The following CMC2 variants were observed in gnomAD, a reference collection of about 807,000 sequenced individuals.
CMC2 encodes the protein COX assembly mitochondrial protein 2 homolog.
A neutral mutation model predicts 7.5 loss-of-function variants in CMC2; 5 were observed. The ratio of observed to expected loss-of-function variants is 0.66; its 90% confidence interval spans 0.35 to 1.40. CMC2 has a LOEUF of 1.40. Ranked by LOEUF, CMC2 falls within the 40% of genes most tolerant of loss-of-function variation. The probability of loss-of-function intolerance (pLI) is 0.04; values close to 1 mark genes in which losing one functional copy is unlikely to be tolerated. For missense variants in CMC2, 115 were observed against 92.3 expected, an observed-to-expected ratio of 1.25 and a Z score of -1.01; for synonymous variants, 37 against 31.4, an observed-to-expected ratio of 1.18 and a Z score of -0.60.
chr16:80,985,960 G>A (rs1291744507), intron 2 of CMC2, among the ~76,000 whole-genome samples: 1 of 149,202 alleles, frequency 6.7e-6, no homozygotes, highest in East Asian at 2.0e-4. Flanking sequence ...GAGTGGTGAA[G>A]ACTAACAGCT....
In CMC2 at chr16:80,981,849, CA is replaced by C. The variant is rs1300011264; in HGVS notation, c.109del (p.Cys37ValfsTer8). The C allele has an allele frequency of 1.2e-6, 2 of 1,610,132 alleles. No homozygotes were observed. Among genetic ancestry groups the C allele is most frequent in the Admixed American group, 3.4e-5 (2 of 59,540 alleles). ...TCTCAACTCCCGATCAACATCATTA[CA>C]ATAACCAAAAAATTTCAGAATGTTG... ...NHNILKFFGY[C>X]NDVDRELRKC... On this transcript the variant is annotated frameshift_variant, in exon 3 of 4. Transcript: ENST00000219400. LOFTEE classifies it high-confidence loss of function.
At position 81,006,873 on chromosome 16, in the gene CMC2, G is replaced by C. The variant is rs935028316; in HGVS notation, c.-175C>G. 3.0e-6 allele frequency: 3 copies of C among 986,022 alleles called. No individual in the cohort carries two copies. The highest frequency in any genetic ancestry group is 3.5e-5 in the African/African-American group (2 of 57,258). 61.1% of individuals were successfully genotyped at this position (986,022 alleles called of 1,614,324 possible). A position where few individuals can be genotyped will look rare whatever the true frequency, so the allele number is the denominator to read the frequency against. On this transcript the variant is annotated 5_prime_UTR_variant, in exon 1 of 4. Transcript: ENST00000219400. Reference sequence around the variant, plus strand: ...CAGTGACGCCCTCCACCGCTCCACCGTGCTCCCGGCTCCTCGCCCCCGCCG... The same window carrying C: ...CAGTGACGCCCTCCACCGCTCCACCCTGCTCCCGGCTCCTCGCCCCCGCCG...
intron 1 of CMC2, among the ~76,000 whole-genome samples, chr16:81,003,159 A>G (rs1968993137): frequency 6.6e-6 from 1 of 152,224 alleles, no homozygotes; most frequent in East Asian, 1.9e-4. Flanking sequence ...GTAAGGTACA[A>G]CTGTAAAAAT....
chr16:80,986,837 G>A (rs1235319363), intron 2 of CMC2, among the ~76,000 whole-genome samples: 1 of 152,248 alleles, frequency 6.6e-6, no homozygotes, highest in African/African-American at 2.4e-5. Flanking sequence ...CCACTATCTA[G>A]CTGAGATAAA....
intron 2 of CMC2, among the ~76,000 whole-genome samples, chr16:80,993,649 A>T (rs1370161102): frequency 1.3e-5 from 2 of 152,170 alleles, no homozygotes; most frequent in Non-Finnish European, 2.9e-5. Context: ...TTGAATATGC[A>T]AGTCAATCAG....
intron 1 of CMC2, chr16:80,997,790 A>C (rs1465899300): frequency 6.3e-6 from 1 of 157,840 alleles, no homozygotes; most frequent in East Asian, 1.8e-4. Flanking sequence ...GTTCAGATGA[A>C]ATTCTACCAA....
intron 3 of CMC2, among the ~76,000 whole-genome samples, chr16:80,977,070 G>A (rs1912471906): frequency 2.6e-5 from 4 of 152,096 alleles, no homozygotes; most frequent in Admixed American, 1.3e-4. Flanking sequence ...ACATTATCAA[G>A]AGTAACTAGC....
rs942915026 is a variant in CMC2, at chr16:80,970,254, T to C, written c.*5839A>G. On this transcript the variant is annotated 3_prime_UTR_variant, in exon 4 of 4. Coordinates refer to ENST00000219400, the MANE Select transcript of CMC2 (RefSeq NM_020188.5). ...GAAAATGGATGCTTCATGGACCGTC[T>C]CTCTCTCAATTTAAGTCAATTCCAA... The C allele has an allele frequency of 5.9e-5, 9 of 152,182 alleles. No individual in the cohort carries two copies. Among genetic ancestry groups the C allele is most frequent in the African/African-American group, 1.9e-4 (8 of 41,452 alleles). The allele number at this position is 152,182 out of a possible 1,614,324, so 9.4% of individuals were successfully genotyped here. A position where few individuals can be genotyped will look rare whatever the true frequency, so the allele number is the denominator to read the frequency against.
In CMC2 at chr16:80,974,120, T is replaced by A. The variant is rs1912115381; in HGVS notation, c.*1973A>T. 6.6e-6 allele frequency: 1 copy of A among 152,334 alleles called. No individual in the cohort carries two copies. Among genetic ancestry groups the A allele is most frequent in the South Asian group, 2.1e-4 (1 of 4,818 alleles). 9.4% of individuals were successfully genotyped at this position (152,334 alleles called of 1,614,324 possible). On this transcript the variant is annotated 3_prime_UTR_variant, in exon 4 of 4. Transcript: ENST00000219400. ...CACACTTCACCTCCCCAGTACTCCCTCCCAAGCAGGCACAAATCAAATGCC... is the reference window on the plus strand; with the variant it reads ...CACACTTCACCTCCCCAGTACTCCCACCCAAGCAGGCACAAATCAAATGCC...
intron 2 of CMC2, among the ~76,000 whole-genome samples, chr16:80,987,232 G>A (rs1316314077): frequency 6.6e-6 from 1 of 152,070 alleles, no homozygotes; most frequent in Non-Finnish European, 1.5e-5. Flanking sequence ...ATTATGGGAA[G>A]GAATCTTATG....
chr16:80,997,124 T>C, intron 2 of CMC2, 190 bp downstream of exon 2: 1 of 592,502 alleles, frequency 1.7e-6, no homozygotes, highest in South Asian at 1.9e-5. Flanking sequence ...TGATTTTTAC[T>C]AATCATAAAA....
At chr16:80,997,973 T>TA (rs1428233869) in intron 1 of CMC2, 1 of 152,032 alleles carries the variant, frequency 6.6e-6, no homozygotes, top group East Asian at 1.9e-4. Context: ...ATTTAACAGA[T>TA]ATAGCCATAA....
chr16:80,991,278 A>G (rs1056544045), intron 2 of CMC2, among the ~76,000 whole-genome samples: 1 of 152,164 alleles, frequency 6.6e-6, no homozygotes. Flanking sequence ...CCTTACGTGT[A>G]GGCTGCACAC....
chr16:80,996,258 T>C (rs1365347259), intron 2 of CMC2, among the ~76,000 whole-genome samples: 1 of 152,194 alleles, frequency 6.6e-6, no homozygotes, highest in East Asian at 1.9e-4. Context: ...GACTGAAATG[T>C]TATTCCACAG....
At chr16:80,981,353 G>C (rs568747384) in intron 3 of CMC2, among the ~76,000 whole-genome samples, 29 of 151,594 alleles carry the variant, frequency 1.9e-4, no homozygotes, top group Admixed American at 5.2e-4. Flanking sequence ...AGTCAAATTA[G>C]ATCCCTGTGG....
At chr16:80,995,271 CTACTACTCAGAAATAAAAATAAAT>C in intron 2 of CMC2, among the ~76,000 whole-genome samples, 1 of 46,654 alleles carries the variant, frequency 2.1e-5, no homozygotes, top group Non-Finnish European at 1.2e-4. Flanking sequence ...ATACAATGAA[CTACTACTCAGAAATAAAAATAAAT>C]GAACTAATGA....
chr16:80,979,478 T>C (rs1266690786), intron 3 of CMC2, among the ~76,000 whole-genome samples: 2 of 151,664 alleles, frequency 1.3e-5, no homozygotes, highest in Admixed American at 6.6e-5. Context: ...TTCTGAACTA[T>C]ACAGGAAAAA....
chr16:80,991,719 T>G, intron 2 of CMC2: 2 of 289,552 alleles, frequency 6.9e-6, no homozygotes, highest in Admixed American at 4.6e-5. Flanking sequence ...ATAAATTATG[T>G]TGTAGTATGC....
chr16:80,981,671 G>A lies in CMC2; in HGVS notation c.153+135C>T, dbSNP rs1385883606. ...CTTTCATTTCTTCCCCTAAACAGAG[G>A]AAGTTCATACATGTAAAGTCAATTT... On this transcript the variant is annotated intron_variant, in intron 3 of 3. Transcript: ENST00000219400. 7.1e-6 allele frequency: 4 copies of A among 563,258 alleles called. No homozygotes were observed. The East Asian group carries it at 1.2e-4, about 17-fold the overall frequency. The allele number at this position is 563,258 out of a possible 1,614,324, so 34.9% of individuals were successfully genotyped here.
Sources: gnomAD v4.1 joint callset for allele counts (sites outside exome capture counted in the v4.1 genomes callset) on GRCh38, gnomAD v4.1.1 for gene constraint, MANE v1.5 for transcripts, NCBI Gene and HGNC (gene_info 2026-07-23, HGNC 2026-07-21) for gene names.